Variants in RGS7 observed in about 807,000 individuals in gnomAD.
The protein encoded by RGS7 is regulator of G protein signaling 7, also known as regulator of G-protein signaling 7.
Under a neutral mutation model 81.1 loss-of-function variants are expected in RGS7, and 27 were observed. That is an observed-to-expected ratio of 0.33 (90% confidence interval 0.25 to 0.46). The LOEUF (loss-of-function observed/expected upper bound fraction) is 0.46. Ranked by LOEUF, RGS7 falls within the 20% of genes least tolerant of loss-of-function variation. The probability of loss-of-function intolerance (pLI) is 1.00; values close to 1 mark genes in which losing one functional copy is unlikely to be tolerated. For missense variants in RGS7, 396 were observed against 607.4 expected (o/e 0.65, Z 3.66); for synonymous variants, 208 against 207.7 (o/e 1.00, Z -0.01).
At chr1:240,818,229 C>T (rs1417210053) in intron 10 of RGS7, among the ~76,000 whole-genome samples, 12 of 151,950 alleles carry the variant, frequency 7.9e-5, no homozygotes, top group Admixed American at 7.2e-4. Context: ...CTCATTCATT[C>T]ATTCATTCAA....
At chr1:241,222,412 A>C (rs960478403) in intron 2 of RGS7, among the ~76,000 whole-genome samples, 13 of 152,168 alleles carry the variant, frequency 8.5e-5, no homozygotes, top group Admixed American at 2.0e-4. Flanking sequence ...AGGTGATTCT[A>C]ATATGTCAAT....
At chr1:241,137,041 A>T (rs1250920076) in intron 2 of RGS7, among the ~76,000 whole-genome samples, 6 of 152,140 alleles carry the variant, frequency 3.9e-5, no homozygotes, top group Non-Finnish European at 1.5e-5. Flanking sequence ...TGGCCACCTT[A>T]GCTGAGGAAG....
At chr1:241,227,159 G>A (rs1196254364) in intron 2 of RGS7, among the ~76,000 whole-genome samples, 1 of 152,140 alleles carries the variant, frequency 6.6e-6, no homozygotes, top group African/African-American at 2.4e-5. Context: ...TAAGACCCTT[G>A]TACAGGATAC....
intron 2 of RGS7, among the ~76,000 whole-genome samples, chr1:241,221,059 G>GAAATAAAGAA (rs1464041994): frequency 7.6e-6 from 1 of 130,930 alleles, no homozygotes; most frequent in African/African-American, 2.9e-5. Flanking sequence ...AAGAAAGAAA[G>GAAATAAAGAA]AGAGAGAGAG....
In RGS7 at chr1:241,327,146, G is replaced by GGAAA. The variant is rs60341909; in HGVS notation, c.78+28549_78+28552dup. On this transcript the variant is annotated intron_variant, in intron 2 of 18. Coordinates refer to ENST00000440928, the MANE Select transcript of RGS7 (RefSeq NM_001364886.1). ...AGAAAGAAAGAAAGAAAGAAAGAAA[G>GGAAA]GAAAGAAAGAAAGAAAGAAACACAC... Among the ~76,000 whole-genome samples, 7 of 92,176 alleles carry GGAAA rather than the reference G, an allele frequency of 7.6e-5. 1 individual carries two copies. The highest frequency in any genetic ancestry group is 2.2e-4 in the African/African-American group (6 of 27,750). The allele number at this position is 92,176 out of a possible 152,430, so 60.5% of individuals were successfully genotyped here.
chr1:241,140,131 G>A (rs1482675051), intron 2 of RGS7, among the ~76,000 whole-genome samples: 1 of 152,202 alleles, frequency 6.6e-6, no homozygotes, highest in Non-Finnish European at 1.5e-5. Context: ...TCTGGCTTCG[G>A]ATGGAGACAC....
intron 2 of RGS7, chr1:241,305,952 T>G (rs1573593473): frequency 6.2e-6 from 1 of 160,014 alleles, no homozygotes; most frequent in African/African-American, 2.4e-5. Context: ...AGGAAAAAGG[T>G]GTAGAAAGGG....
chr1:241,028,872 C>A (rs2059925205), intron 3 of RGS7, among the ~76,000 whole-genome samples: 1 of 152,144 alleles, frequency 6.6e-6, no homozygotes. Context: ...CCAAGGCCAC[C>A]TGTTGACACA....
chr1:240,897,791 C>A (rs1042471329), intron 6 of RGS7, among the ~76,000 whole-genome samples: 1 of 152,122 alleles, frequency 6.6e-6, no homozygotes, highest in Non-Finnish European at 1.5e-5. Context: ...ATGACGCTGG[C>A]CTCATAAAAT....
chr1:240,871,376 C>T (rs760980058), intron 6 of RGS7, among the ~76,000 whole-genome samples: 5 of 152,148 alleles, frequency 3.3e-5, no homozygotes, highest in Non-Finnish European at 5.9e-5. Flanking sequence ...TAAGGAAACA[C>T]ACTACACAGA....
intron 6 of RGS7, among the ~76,000 whole-genome samples, chr1:240,883,335 A>T (rs1306811697): frequency 6.6e-6 from 1 of 152,158 alleles, no homozygotes; most frequent in African/African-American, 2.4e-5. Flanking sequence ...TATAATAATA[A>T]TAAAAATTTT....
chr1:240,968,377 C>G (rs1441325346), intron 4 of RGS7, among the ~76,000 whole-genome samples: 1 of 152,262 alleles, frequency 6.6e-6, no homozygotes, highest in East Asian at 1.9e-4. Context: ...TAACACAAAT[C>G]ACAATCTGAG....
chr1:240,844,982 C>T (rs926672302), intron 9 of RGS7, among the ~76,000 whole-genome samples: 21 of 152,026 alleles, frequency 1.4e-4, no homozygotes, highest in Non-Finnish European at 7.4e-5. Context: ...CTGACAATGC[C>T]AAAGATTAAA....
chr1:241,356,154 TC>T (rs2083550514), intron 1 of RGS7, among the ~76,000 whole-genome samples: 1 of 146,886 alleles, frequency 6.8e-6, no homozygotes, highest in South Asian at 2.2e-4. Flanking sequence ...TTCTCTTCTC[TC>T]CCAATACTTG....
At chr1:241,040,487 A>G (rs2060558833) in intron 3 of RGS7, among the ~76,000 whole-genome samples, 2 of 151,300 alleles carry the variant, frequency 1.3e-5, no homozygotes, top group Non-Finnish European at 2.9e-5. Context: ...CTTTTTATTT[A>G]TTTATTTATT....
intron 3 of RGS7, among the ~76,000 whole-genome samples, chr1:241,087,074 C>T (rs533150726): frequency 9.2e-5 from 14 of 152,270 alleles, no homozygotes; most frequent in African/African-American, 3.1e-4. Flanking sequence ...GTGATCCCCT[C>T]GAGGACAGAC....
chr1:240,834,229 G>A (rs1484564102), intron 9 of RGS7, among the ~76,000 whole-genome samples: 3 of 152,206 alleles, frequency 2.0e-5, no homozygotes, highest in African/African-American at 7.2e-5. Context: ...GAAGAAAGTT[G>A]TTTGAGGAAA....
intron 2 of RGS7, among the ~76,000 whole-genome samples, chr1:241,107,919 C>T (rs2065228848): frequency 6.6e-6 from 1 of 151,976 alleles, no homozygotes; most frequent in Non-Finnish European, 1.5e-5. Flanking sequence ...TTGAACGATA[C>T]ATGGATAAAG....
intron 6 of RGS7, among the ~76,000 whole-genome samples, chr1:240,886,811 T>A (rs182118332): frequency 6.6e-6 from 1 of 152,314 alleles, no homozygotes; most frequent in East Asian, 1.9e-4. Flanking sequence ...AAAATAGTGA[T>A]CATTTGCTTA....
Sources: gnomAD v4.1 joint callset for allele counts (sites outside exome capture counted in the v4.1 genomes callset) on GRCh38, gnomAD v4.1.1 for gene constraint, MANE v1.5 for transcripts, NCBI Gene and HGNC (gene_info 2026-07-23, HGNC 2026-07-21) for gene names.